DGKB: variants seen among roughly 807,000 people sequenced by gnomAD.
DGKB encodes diacylglycerol kinase beta.
A neutral mutation model predicts 114.3 loss-of-function variants in DGKB; 67 were observed. That is an observed-to-expected ratio of 0.59 (90% CI 0.48 to 0.72). DGKB has a LOEUF of 0.72. Among genes scored for constraint, DGKB ranks in the 30% least tolerant of loss-of-function variants. The probability of loss-of-function intolerance (pLI) is 0.00; values close to 1 mark genes in which losing one functional copy is unlikely to be tolerated. For missense variants in DGKB, 907 were observed against 975.2 expected (o/e 0.93, Z 0.93); for synonymous variants, 398 against 323.1 (o/e 1.23, Z -2.49).
intron 6 of DGKB, among the ~76,000 whole-genome samples, chr7:14,712,370 C>T (rs574602130): frequency 2.0e-5 from 3 of 152,120 alleles, no homozygotes; most frequent in Admixed American, 6.5e-5. Flanking sequence ...AAATGAAGAA[C>T]GCAAGTTTAT....
At chr7:14,837,243 C>T (rs1384468374) in intron 2 of DGKB, among the ~76,000 whole-genome samples, 1 of 152,096 alleles carries the variant, frequency 6.6e-6, no homozygotes, top group Non-Finnish European at 1.5e-5. Flanking sequence ...GCCAGTATCA[C>T]CCTACTTATC....
chr7:14,764,252 A>C (rs1836130125), intron 2 of DGKB, among the ~76,000 whole-genome samples: 1 of 151,900 alleles, frequency 6.6e-6, no homozygotes, highest in Non-Finnish European at 1.5e-5. Flanking sequence ...AAATTAGAAA[A>C]ATCTTTATCA....
At chr7:14,951,182 A>T (rs1258649149) in intron 1 of DGKB, among the ~76,000 whole-genome samples, 2 of 151,964 alleles carry the variant, frequency 1.3e-5, no homozygotes, top group African/African-American at 4.8e-5. Flanking sequence ...CCTTCCTGAG[A>T]TGGGAACAAG....
intron 21 of DGKB, among the ~76,000 whole-genome samples, chr7:14,475,058 T>G (rs1444475839): frequency 1.3e-5 from 2 of 152,116 alleles, no homozygotes; most frequent in Non-Finnish European, 2.9e-5. Context: ...ATAAGAAGCA[T>G]AGAGAACAGA....
chr7:14,440,687 G>C (rs1020745757), intron 21 of DGKB, among the ~76,000 whole-genome samples: 1 of 152,094 alleles, frequency 6.6e-6, no homozygotes, highest in African/African-American at 2.4e-5. Flanking sequence ...TTTTATATAA[G>C]TAATGCAAAT....
rs182280506 is a variant in DGKB, at chr7:14,768,866, C to A, written c.71-11135G>T. Among the ~76,000 whole-genome samples, 18 of 151,994 alleles carry A rather than the reference C, an allele frequency of 1.2e-4. No homozygotes were observed. In the East Asian group the frequency reaches 3.3e-3, roughly 28 times the overall value. Reference sequence around the variant, plus strand: ...TTGATTTGTACAAAATGGCACCTTTCACAATCTATGTTCTTACATTGGAAC... The same window carrying A: ...TTGATTTGTACAAAATGGCACCTTTAACAATCTATGTTCTTACATTGGAAC... On this transcript the variant is annotated intron_variant, in intron 2 of 25. Coordinates refer to ENST00000402815, the MANE Select transcript of DGKB (RefSeq NM_001350709.2).
chr7:14,585,008 T>A (rs1342843017), intron 17 of DGKB, among the ~76,000 whole-genome samples: 2 of 152,100 alleles, frequency 1.3e-5, no homozygotes, highest in Non-Finnish European at 2.9e-5. Context: ...TACAGCAATC[T>A]TCGCATTTAA....
chr7:14,864,680 C>A (rs1425197513), intron 1 of DGKB, among the ~76,000 whole-genome samples: 1 of 151,860 alleles, frequency 6.6e-6, no homozygotes, highest in African/African-American at 2.4e-5. Flanking sequence ...CAGCGATTAG[C>A]CAGGCAGAAA....
chr7:14,474,624 G>A (rs1781893220), intron 21 of DGKB, among the ~76,000 whole-genome samples: 1 of 132,544 alleles, frequency 7.5e-6, no homozygotes, highest in African/African-American at 2.6e-5. Flanking sequence ...ATTTTAGTAT[G>A]GTAATAAATA....
chr7:14,680,673 C>G (rs1391873875), intron 12 of DGKB, among the ~76,000 whole-genome samples: 1 of 151,864 alleles, frequency 6.6e-6, no homozygotes, highest in East Asian at 1.9e-4. Flanking sequence ...AGTAAGAGAC[C>G]ACTAGCAATG....
Position 14,250,132 on chromosome 7 carries a change from A to AT in DGKB, c.2123-71982dup, listed in dbSNP as rs57215648. On this transcript the variant is annotated intron_variant, in intron 23 of 25. Coordinates refer to ENST00000402815, the MANE Select transcript of DGKB (RefSeq NM_001350709.2). ...ACCACACTTGGCTATATATATATAT[A>AT]TTTTTTTTTTTTTTTTGGTAGAAAT... Among the ~76,000 whole-genome samples the AT allele has an allele frequency of 9.9e-3, 1,337 of 135,548 alleles. 13 individuals are homozygous for AT. The highest frequency in any genetic ancestry group is 0.016 in the Non-Finnish European group (1,004 of 63,676). 88.9% of individuals were successfully genotyped at this position (135,548 alleles called of 152,430 possible).
chr7:14,857,248 C>CTGTGTGTTTGTGTGTGTGTGTG (rs1554308182), intron 1 of DGKB, among the ~76,000 whole-genome samples: 2 of 23,520 alleles, frequency 8.5e-5, no homozygotes, highest in African/African-American at 7.2e-4. Context: ...CAACCCCCTG[C>CTGTGTGTTTGTGTGTGTGTGTG]TGTGTGTGTT....
intron 21 of DGKB, among the ~76,000 whole-genome samples, chr7:14,473,808 C>T (rs1192062390): frequency 1.3e-5 from 2 of 152,188 alleles, no homozygotes; most frequent in Non-Finnish European, 2.9e-5. Flanking sequence ...TACTGCCCCA[C>T]TGGATTTTGC....
At chr7:14,869,357 G>T (rs1439969137) in intron 1 of DGKB, among the ~76,000 whole-genome samples, 1 of 152,006 alleles carries the variant, frequency 6.6e-6, no homozygotes, top group Non-Finnish European at 1.5e-5. Context: ...GTTTAACTGG[G>T]TCCGTAATTT....
chr7:14,709,715 A>G (rs1462283171), intron 6 of DGKB, among the ~76,000 whole-genome samples: 1 of 146,182 alleles, frequency 6.8e-6, no homozygotes, highest in East Asian at 2.1e-4. Flanking sequence ...CTATCGCAAG[A>G]ACAAAAAACC....
intron 23 of DGKB, among the ~76,000 whole-genome samples, chr7:14,255,107 A>G (rs1413182461): frequency 6.6e-6 from 1 of 152,232 alleles, no homozygotes; most frequent in Admixed American, 6.5e-5. Flanking sequence ...CAATGTGAAG[A>G]AGTCTGAATC....
At chr7:14,734,180 G>A (rs1035121383) in intron 5 of DGKB, among the ~76,000 whole-genome samples, 13 of 146,800 alleles carry the variant, frequency 8.9e-5, no homozygotes, top group Non-Finnish European at 1.8e-4. Context: ...GATTACAGGC[G>A]CCTGCCACCA....
chr7:14,335,230 C>G (rs1001917812), intron 23 of DGKB, among the ~76,000 whole-genome samples: 1 of 152,056 alleles, frequency 6.6e-6, no homozygotes, highest in South Asian at 2.1e-4. Context: ...ATGCTCCAAA[C>G]CTGATCTCAT....
At chr7:14,587,379 T>G (rs960921587) in intron 17 of DGKB, among the ~76,000 whole-genome samples, 2 of 152,084 alleles carry the variant, frequency 1.3e-5, no homozygotes, top group African/African-American at 4.8e-5. Context: ...GGAATTGACT[T>G]TTAGAGATAA....
Sources: allele counts gnomAD v4.1 joint callset (sites outside exome capture counted in the v4.1 genomes callset), GRCh38; gene constraint gnomAD v4.1.1; transcripts MANE v1.5; gene names NCBI Gene and HGNC (gene_info 2026-07-23, HGNC 2026-07-21).